Variants in CHL1 observed in about 807,000 individuals in gnomAD.
CHL1 encodes the protein neural cell adhesion molecule L1-like protein.
A neutral mutation model predicts 141.9 loss-of-function variants in CHL1; 96 were observed. The observed-to-expected ratio is 0.68, with a 90% CI of 0.57 to 0.80. The LOEUF (loss-of-function observed/expected upper bound fraction) is 0.80. Ranked by LOEUF, CHL1 falls within the 30% of genes least tolerant of loss-of-function variation. The pLI, the probability that CHL1 is intolerant of heterozygous loss-of-function variation, is 0.00. For synonymous variants in CHL1, 613 were observed against 502.2 expected (o/e 1.22, Z -2.95); for missense variants, 1,820 against 1,457.2 (o/e 1.25, Z -4.05).
intron 11 of CHL1, among the ~76,000 whole-genome samples, chr3:358,451 C>T (rs1278615815): frequency 1.3e-5 from 2 of 152,172 alleles, no homozygotes; most frequent in Admixed American, 1.3e-4. Flanking sequence ...TTAATCACAT[C>T]TGCAAGTCCC....
chr3:250,121 C>A (rs978431430), intron 2 of CHL1, among the ~76,000 whole-genome samples: 2 of 151,918 alleles, frequency 1.3e-5, no homozygotes, highest in Non-Finnish European at 2.9e-5. Flanking sequence ...CATGCATCAC[C>A]ACACCTGGCT....
chr3:343,487 AAC>A (rs1325191446), intron 8 of CHL1, among the ~76,000 whole-genome samples: 6 of 152,134 alleles, frequency 3.9e-5, no homozygotes, highest in Non-Finnish European at 8.8e-5. Flanking sequence ...CTGAGAAAAA[AAC>A]AGTTTGTAGC....
intron 2 of CHL1, chr3:308,606 G>T (rs1200910993): frequency 1.3e-5 from 2 of 149,520 alleles, no homozygotes; most frequent in Non-Finnish European, 3.0e-5. Flanking sequence ...CTATATTATA[G>T]AACATATATA....
At chr3:324,351 A>G (rs1302482078) in intron 3 of CHL1, among the ~76,000 whole-genome samples, 1 of 152,060 alleles carries the variant, frequency 6.6e-6, no homozygotes, top group Non-Finnish European at 1.5e-5. Context: ...GCTGCGAAAC[A>G]GTTTTCATTT....
intron 2 of CHL1, among the ~76,000 whole-genome samples, chr3:258,900 A>C (rs1055988682): frequency 6.7e-6 from 1 of 148,476 alleles, no homozygotes; most frequent in African/African-American, 2.5e-5. Context: ...TACTACAATT[A>C]TCACACACCT....
intron 11 of CHL1, among the ~76,000 whole-genome samples, chr3:355,442 A>G (rs1703627001): frequency 6.6e-6 from 1 of 152,242 alleles, no homozygotes; most frequent in African/African-American, 2.4e-5. Flanking sequence ...CACCATGCTC[A>G]GCATAGAGCT....
chr3:366,997 A>G (rs1275610292), intron 15 of CHL1, among the ~76,000 whole-genome samples: 1 of 152,262 alleles, frequency 6.6e-6, no homozygotes. Context: ...TTCCTGCCAG[A>G]GAGTACTGAG....
chr3:391,486 A>T (rs566449751), intron 22 of CHL1, among the ~76,000 whole-genome samples, 189 bp from the exon 23 acceptor site: 7 of 152,224 alleles, frequency 4.6e-5, no homozygotes, highest in Non-Finnish European at 1.0e-4. Flanking sequence ...ACTGCATTCC[A>T]TCTAGCCTGG....
intron 2 of CHL1, chr3:246,872 G>A (rs1413178856): frequency 6.6e-6 from 1 of 151,956 alleles, no homozygotes; most frequent in Non-Finnish European, 1.5e-5. Flanking sequence ...CTTAACAGAA[G>A]GCTTAAGTAG....
intron 2 of CHL1, chr3:309,302 G>T (rs1273368351): frequency 6.6e-6 from 1 of 152,532 alleles, no homozygotes; most frequent in African/African-American, 2.4e-5. Context: ...GCTTGTGCCA[G>T]TTGTCGTGAG....
chr3:311,793 A>G (rs926922777), intron 2 of CHL1, among the ~76,000 whole-genome samples: 1 of 152,212 alleles, frequency 6.6e-6, no homozygotes, highest in Admixed American at 6.5e-5. Flanking sequence ...TGTGCATTTT[A>G]GTACATCTGA....
At chr3:360,716 A>G (rs1456033611) in intron 12 of CHL1, among the ~76,000 whole-genome samples, 1 of 146,432 alleles carries the variant, frequency 6.8e-6, no homozygotes, top group Non-Finnish European at 1.5e-5. Context: ...CATTAGGTAT[A>G]TCTCCCGATG....
rs373156471 is a variant in CHL1, at chr3:398,237, C to G, written c.3105C>G (p.Ile1035Met). The G allele has an allele frequency of 8.1e-6, 13 of 1,595,514 alleles. No homozygotes were observed. The East Asian group carries it at 1.8e-4, about 22-fold the overall frequency. The change falls in exon 25 of 28, where the codon ATC becomes ATG. Residue 1035 changes from isoleucine to methionine, a missense_variant. Ile to Met is a conservative substitution (Grantham distance 10, BLOSUM62 1). Coordinates refer to ENST00000256509, the MANE Select transcript of CHL1 (RefSeq NM_006614.4). ...GTGTACATTTCTTAGGTAAAGGTAT[C>G]GGGAAGATATCAGGAGTAAATCTTA... ...SSTLGEGSKG[I>M]GKISGVNLTQ...
chr3:365,925 T>C, intron 14 of CHL1, 25 bp from the exon 15 acceptor site: 1 of 1,597,960 alleles, frequency 6.3e-7, no homozygotes, highest in South Asian at 1.1e-5. Flanking sequence ...TAGTTCTAAC[T>C]AATATCTTTG....
intron 1 of CHL1, among the ~76,000 whole-genome samples, chr3:219,097 C>A (rs930793322): frequency 9.9e-5 from 15 of 151,438 alleles, no homozygotes; most frequent in Middle Eastern, 3.2e-3. Flanking sequence ...TGCAGTGAGC[C>A]GAGATCATGC....
intron 3 of CHL1, among the ~76,000 whole-genome samples, chr3:320,481 A>G (rs1409663339): frequency 6.6e-6 from 1 of 151,984 alleles, no homozygotes; most frequent in Non-Finnish European, 1.5e-5. Context: ...ATTTTTAGCC[A>G]TTATAAATCA....
chr3:337,184 TG>T (rs1221265034), intron 5 of CHL1, among the ~76,000 whole-genome samples: 6,799 of 108,656 alleles, frequency 0.063, 238 homozygotes, highest in South Asian at 0.086. Flanking sequence ...AACATTCTTT[TG>T]TTTTTGTTTT....
chr3:361,831 T>A (rs1176853176), intron 13 of CHL1, 21 bp downstream of exon 13: 1 of 1,460,438 alleles, frequency 6.8e-7, no homozygotes, highest in Non-Finnish European at 9.6e-7. Flanking sequence ...GGCTCATGGT[T>A]TTCTTAAGAG....
chr3:274,806 T>C (rs898885908), intron 2 of CHL1, among the ~76,000 whole-genome samples: 8 of 152,238 alleles, frequency 5.3e-5, no homozygotes, highest in Admixed American at 6.5e-5. Flanking sequence ...CTTTTATCTG[T>C]ATAATGACTT....
Sources: gnomAD v4.1 joint callset for allele counts (sites outside exome capture counted in the v4.1 genomes callset) on GRCh38, gnomAD v4.1.1 for gene constraint, MANE v1.5 for transcripts, NCBI Gene and HGNC (gene_info 2026-07-23, HGNC 2026-07-21) for gene names.